The following CRLF2 variants were observed in gnomAD, a reference collection of about 807,000 sequenced individuals.
CRLF2 encodes the protein cytokine receptor-like factor 2.
In CRLF2, 41 loss-of-function variants were observed where a neutral mutation model predicts 38.7. The observed-to-expected ratio is 1.06, with a 90% CI of 0.83 to 1.37. The LOEUF is 1.37. CRLF2 is among the 40% of genes most tolerant of loss of function. The pLI, the probability that CRLF2 is intolerant of heterozygous loss-of-function variation, is 0.00. For missense variants in CRLF2, 377 were observed against 322.2 expected (o/e 1.17, Z -1.30); for synonymous variants, 140 against 128.8 (o/e 1.09, Z -0.59).
intron 1 of CRLF2, among the ~76,000 whole-genome samples, chrX:1,209,370 C>G (rs1304475037): frequency 6.9e-5 from 10 of 144,524 alleles, no homozygotes; most frequent in Non-Finnish European, 1.5e-4. Context: ...CTCACTCTGT[C>G]ACCCAGGCTG....
intron 3 of CRLF2, among the ~76,000 whole-genome samples, chrX:1,205,256 T>G (rs2086672132): frequency 6.6e-6 from 1 of 152,102 alleles, no homozygotes; most frequent in African/African-American, 2.4e-5. Flanking sequence ...CCACTTGGAG[T>G]GAGGAGCTGG....
In CRLF2 at chrX:1,204,096, A is replaced by AAAAAAAAAG. The variant is rs370190016; in HGVS notation, c.350-1562_350-1561insCTTTTTTTT. ...GAGCAAGACCCTCTCTCTCAAAAAA[A>AAAAAAAAAG]AGAGAGAACATCCAGTGAGTGGGAT... On this transcript the variant is annotated intron_variant, in intron 3 of 7. Coordinates refer to ENST00000400841, the MANE Select transcript of CRLF2 (RefSeq NM_022148.4). Among the ~76,000 whole-genome samples the AAAAAAAAAG allele has an allele frequency of 2.3e-4, 31 of 133,414 alleles. 9 individuals carry two copies. The highest frequency in any genetic ancestry group is 6.5e-4 in the East Asian group (3 of 4,628). The allele number at this position is 133,414 out of a possible 152,430, so 87.5% of individuals were successfully genotyped here.
chrX:1,211,040 G>A (rs2086787928), intron 1 of CRLF2, among the ~76,000 whole-genome samples: 1 of 151,588 alleles, frequency 6.6e-6, no homozygotes, highest in Non-Finnish European at 1.5e-5. Flanking sequence ...TAGGTGGATG[G>A]ATGGTTTGAT....
Position 1,195,760 on chromosome X carries a change from T to A in CRLF2, c.767+1020A>T, listed in dbSNP as rs1457240273. Reference sequence around the variant, plus strand: ...ATTTTTATAAATATATATATATTTTTATATTATATATATATTTATATAATT... The same window carrying A: ...ATTTTTATAAATATATATATATTTTAATATTATATATATATTTATATAATT... On this transcript the variant is annotated intron_variant, in intron 6 of 7. Coordinates refer to ENST00000400841, the MANE Select transcript of CRLF2 (RefSeq NM_022148.4). Among the ~76,000 whole-genome samples, 29 of 130,668 alleles carry A rather than the reference T, an allele frequency of 2.2e-4. 1 individual carries two copies. Among genetic ancestry groups the A allele is most frequent in the African/African-American group, 7.4e-4 (28 of 38,046 alleles). The allele number at this position is 130,668 out of a possible 152,430, so 85.7% of individuals were successfully genotyped here. A position where few individuals can be genotyped will look rare whatever the true frequency, so the allele number is the denominator to read the frequency against.
At chrX:1,211,402 T>TGG (rs2086798372) in intron 1 of CRLF2, among the ~76,000 whole-genome samples, 3 of 123,966 alleles carry the variant, frequency 2.4e-5, no homozygotes, top group Non-Finnish European at 3.4e-5. Flanking sequence ...GATGGATGGA[T>TGG]AAGTGGATAA....
In CRLF2 at chrX:1,201,081, T is replaced by C. The variant is rs190354741; in HGVS notation, c.483+1321A>G. Among the ~76,000 whole-genome samples, 702 of 152,228 alleles carry C rather than the reference T, an allele frequency of 4.6e-3. 4 individuals carry two copies. Among genetic ancestry groups the C allele is most frequent in the African/African-American group, 0.016 (656 of 41,516 alleles). The stretch of plus-strand genomic sequence containing the variant: ...TACAGCATGTTACTGTACTGAATAC[T>C]GCAGACAAACCTAATGCAAGGGTAA... On this transcript the variant is annotated intron_variant, in intron 4 of 7. Coordinates refer to ENST00000400841, the MANE Select transcript of CRLF2 (RefSeq NM_022148.4).
chrX:1,212,085 G>C (rs1418047451), intron 1 of CRLF2, among the ~76,000 whole-genome samples: 4 of 151,804 alleles, frequency 2.6e-5, no homozygotes, highest in Non-Finnish European at 5.9e-5. Flanking sequence ...TGTATGAGTG[G>C]ATGAATCGTT....
intron 4 of CRLF2, among the ~76,000 whole-genome samples, chrX:1,201,202 T>C (rs1218316985): frequency 5.3e-5 from 8 of 152,196 alleles, no homozygotes; most frequent in African/African-American, 2.4e-5. Context: ...GTGATAATCA[T>C]AGGAGACTAC....
At chrX:1,200,312 CATATGTGTGTATAT>C (rs1407667400) in intron 4 of CRLF2, among the ~76,000 whole-genome samples, 4 of 111,434 alleles carry the variant, frequency 3.6e-5, no homozygotes, top group East Asian at 7.2e-4. Context: ...AAGCTGTGCA[CATATGTGTGTATAT>C]ATATGTGTGT....
chrX:1,196,726 C>A (rs763258145), intron 6 of CRLF2, 54 bp downstream of exon 6: 1 of 1,595,248 alleles, frequency 6.3e-7, no homozygotes, highest in Admixed American at 1.8e-5. Context: ...TCGTACTTCA[C>A]AGACATTGTG....
chrX:1,197,694 G>T (rs142019064), intron 5 of CRLF2, among the ~76,000 whole-genome samples: 1 of 151,722 alleles, frequency 6.6e-6, no homozygotes, highest in South Asian at 2.1e-4. Flanking sequence ...CGTGCCTGTA[G>T]TCCCAGCTAC....
In CRLF2 at chrX:1,208,902, CCTT is replaced by C. The variant is rs761286705; in HGVS notation, c.83_85del (p.Glu28del). 1.6e-5 allele frequency: 26 copies of C among 1,587,314 alleles called. No individual in the cohort carries two copies. Among genetic ancestry groups the C allele is most frequent in the Middle Eastern group, 1.7e-4 (1 of 6,044 alleles). On this transcript the variant is annotated inframe_deletion, in exon 2 of 8. Transcript: ENST00000400841. Reference sequence around the variant, plus strand: ...GAAGTAGATGATCTGAATCTGTACTCCTTCTGCTAGACACAGAGAGACGCATGA... The same window carrying C: ...GAAGTAGATGATCTGAATCTGTACTCCTGCTAGACACAGAGAGACGCATGA...
intron 3 of CRLF2, among the ~76,000 whole-genome samples, chrX:1,206,134 C>T: frequency 6.6e-6 from 1 of 151,472 alleles, no homozygotes; most frequent in Non-Finnish European, 1.5e-5. Context: ...ATGGATCCGA[C>T]GATTTACGTG....
chrX:1,202,563 G>A lies in CRLF2; in HGVS notation c.350-28C>T, dbSNP rs764940240. 11 of 1,613,442 alleles carry A rather than the reference G, an allele frequency of 6.8e-6. No individual in the cohort carries two copies. In the Admixed American group the frequency reaches 8.3e-5, roughly 12 times the overall value. ...GAGAAGAAGAAATAACGGAAGCGAC[G>A]TCCCTCCTCTCTGAGCTGATTGTGA... On this transcript the variant is annotated intron_variant, in intron 3 of 7. Transcript: ENST00000400841.
At chrX:1,206,981 T>G (rs1378867483) in intron 2 of CRLF2, among the ~76,000 whole-genome samples, 2 of 146,332 alleles carry the variant, frequency 1.4e-5, no homozygotes, top group East Asian at 4.1e-4. Context: ...TGTCTCGCTC[T>G]GTCCCTGAGG....
intron 3 of CRLF2, among the ~76,000 whole-genome samples, chrX:1,204,490 A>T (rs1347004281): frequency 6.6e-6 from 1 of 152,054 alleles, no homozygotes; most frequent in African/African-American, 2.4e-5. Context: ...GGCCTCCCAA[A>T]GTACTGGGAT....
At chrX:1,204,716 G>A (rs747289174) in intron 3 of CRLF2, among the ~76,000 whole-genome samples, 10 of 150,282 alleles carry the variant, frequency 6.7e-5, no homozygotes, top group East Asian at 3.9e-4. Flanking sequence ...TAATAGAGAC[G>A]GGGTTTCACC....
In CRLF2 at chrX:1,209,537, T is replaced by C. The variant is rs184054081; in HGVS notation, c.80-629A>G. Among the ~76,000 whole-genome samples the C allele has an allele frequency of 6.6e-3, 1,006 of 151,322 alleles. 7 individuals carry two copies. Among genetic ancestry groups the C allele is most frequent in the African/African-American group, 0.023 (954 of 41,242 alleles). ...TAGTAGAGATGGGGTTTCACTGTGT[T>C]AGCCAGGATGGTCTCGATCTCCTGA... is the stretch of plus-strand genomic sequence containing the variant. On this transcript the variant is annotated intron_variant, in intron 1 of 7. Transcript: ENST00000400841.
chrX:1,192,752 CTTTCTTTCTTTCT>C (rs2086414541), intron 7 of CRLF2, among the ~76,000 whole-genome samples: 6 of 118,220 alleles, frequency 5.1e-5, no homozygotes, highest in African/African-American at 6.5e-5. Context: ...TTCTTTCTTT[CTTTCTTTCTTTCT>C]TTCCTTCCTT....
Sources: allele counts gnomAD v4.1 joint callset (sites outside exome capture counted in the v4.1 genomes callset), GRCh38; gene constraint gnomAD v4.1.1; transcripts MANE v1.5; gene names NCBI Gene and HGNC (gene_info 2026-07-23, HGNC 2026-07-21).